Variants in AFDN observed in about 807,000 individuals in gnomAD.
The protein encoded by AFDN is afadin, adherens junction formation factor.
Under a neutral mutation model 216.6 loss-of-function variants are expected in AFDN, and 68 were observed. The ratio of observed to expected loss-of-function variants is 0.31; its 90% CI spans 0.26 to 0.38. The LOEUF is 0.38. Among genes scored for constraint, AFDN ranks in the 10% least tolerant of loss-of-function variants. AFDN has a pLI of 1.00. For missense variants in AFDN, 2,136 were observed against 2,342.0 expected (o/e 0.91, Z 1.82); for synonymous variants, 868 against 853.7 (o/e 1.02, Z -0.29).
At chr6:167,886,876 A>G (rs988201815) in intron 6 of AFDN, among the ~76,000 whole-genome samples, 15 of 152,046 alleles carry the variant, frequency 9.9e-5, no homozygotes, top group Non-Finnish European at 2.1e-4. Context: ...TTAATTGGGC[A>G]TGGTGGTGGG....
intron 15 of AFDN, among the ~76,000 whole-genome samples, chr6:167,912,802 A>T (rs771890236): frequency 4.6e-5 from 7 of 152,226 alleles, no homozygotes; most frequent in African/African-American, 9.6e-5. Context: ...TAGGGTTAGT[A>T]TCCAGTGGGG....
chr6:167,920,742 C>T (rs111990315), intron 21 of AFDN, among the ~76,000 whole-genome samples: 5,843 of 152,282 alleles, frequency 0.038, 128 homozygotes, highest in African/African-American at 0.054. Context: ...TCATATTGAA[C>T]TGTATATTAT....
intron 7 of AFDN, among the ~76,000 whole-genome samples, 153 bp from the exon 8 acceptor site, chr6:167,890,709 A>G (rs1362007332): frequency 6.6e-6 from 1 of 152,122 alleles, no homozygotes; most frequent in Non-Finnish European, 1.5e-5. Context: ...GAGTGAAAGT[A>G]TGAATTGGGT....
rs1779189533 is a variant in AFDN, at chr6:167,827,242, G to A, written c.105+5G>A. On this transcript the variant is annotated splice_donor_5th_base_variant and intron_variant, in intron 1 of 33. Transcript: ENST00000683244. ...GAGATCAGCCAGCCGACCGAGGTGA[G>A]CACCGCCGGGCGCGGGGCCTGCGCG... 2 of 1,142,512 alleles carry A rather than the reference G, an allele frequency of 1.8e-6. No individual in the cohort carries two copies. Among genetic ancestry groups the A allele is most frequent in the Admixed American group, 3.3e-5 (1 of 30,536 alleles). The allele number at this position is 1,142,512 out of a possible 1,614,324, so 70.8% of individuals were successfully genotyped here. A position where few individuals can be genotyped will look rare whatever the true frequency, so the allele number is the denominator to read the frequency against.
At chr6:167,913,225 C>T (rs1002011552) in intron 15 of AFDN, among the ~76,000 whole-genome samples, 178 bp from the exon 16 acceptor site, 3 of 152,156 alleles carry the variant, frequency 2.0e-5, no homozygotes, top group African/African-American at 7.2e-5. Flanking sequence ...AGGTCGTATA[C>T]TTCTAAAGGT....
chr6:167,890,834 C>T, intron 7 of AFDN, 28 bp from the exon 8 acceptor site: 1 of 1,607,002 alleles, frequency 6.2e-7, no homozygotes, highest in Non-Finnish European at 8.5e-7. Context: ...CTGAGTCTGC[C>T]TGATGATTTC....
At chr6:167,842,776 T>C (rs1339750226) in intron 1 of AFDN, among the ~76,000 whole-genome samples, 1 of 152,226 alleles carries the variant, frequency 6.6e-6, no homozygotes, top group Non-Finnish European at 1.5e-5. Context: ...CAGTATTGAT[T>C]TTCAATTTTA....
intron 2 of AFDN, among the ~76,000 whole-genome samples, chr6:167,867,378 T>A (rs1039888098): frequency 2.3e-4 from 35 of 152,158 alleles, no homozygotes; most frequent in Admixed American, 7.2e-4. Context: ...TTCTGTATTT[T>A]GATAACTAGC....
intron 1 of AFDN, among the ~76,000 whole-genome samples, chr6:167,843,508 G>A (rs1292473496): frequency 6.6e-6 from 1 of 152,162 alleles, no homozygotes; most frequent in Non-Finnish European, 1.5e-5. Flanking sequence ...CAGGCTGTGT[G>A]GTCTTCCAGA....
chr6:167,826,759 C>T (rs1051652863), upstream of AFDN: 8 of 355,986 alleles, frequency 2.2e-5, no homozygotes, highest in African/African-American at 1.7e-4. Flanking sequence ...TCCGACACCT[C>T]CCTCCCTGGC....
chr6:167,864,705 C>T lies in AFDN; in HGVS notation c.260C>T (p.Ser87Phe). ...TTTCGACCTGATATGCGAATGCTGT[C>T]CTCTCCCAAGTATTCACTCTATGAA... Reference protein sequence around the residue: ...EKFRPDMRMLSSPKYSLYEVH... With the variant: ...EKFRPDMRMLFSPKYSLYEVH... The change falls in exon 2 of 34, where the codon TCC becomes TTC. Residue 87 changes from serine (S) to phenylalanine (F), a missense_variant. Coordinates refer to ENST00000683244, the MANE Select transcript of AFDN (RefSeq NM_001386888.1). 1 of 1,614,166 alleles carries T rather than the reference C, an allele frequency of 6.2e-7. No individual in the cohort carries two copies. The highest frequency in any genetic ancestry group is 8.5e-7 in the Non-Finnish European group (1 of 1,180,024).
rs1790924184 is a variant in AFDN at position 167,915,416 on chromosome 6, C to T, written c.2548C>T (p.Leu850=). 3.1e-6 allele frequency: 5 copies of T among 1,613,350 alleles called. No individual in the cohort carries two copies. In the African/African-American group the frequency reaches 6.7e-5, roughly 22 times the overall value. Reference sequence around the variant, plus strand: ...GCTGGAACTGGCTGCGGACTGTCATCTGAGCAGGATCGTGCAGGTGATTGC... The same window carrying T: ...GCTGGAACTGGCTGCGGACTGTCATTTGAGCAGGATCGTGCAGGTGATTGC... ...QGLELAADCH[L]SRIVQATTLL... is the part of the protein sequence containing the mutation. The change falls in exon 19 of 34, where the codon CTG becomes TTG. Residue 850 remains leucine (L), a synonymous_variant. Coordinates refer to ENST00000683244, the MANE Select transcript of AFDN (RefSeq NM_001386888.1).
chr6:167,953,523 T>C (rs950038445), intron 30 of AFDN, among the ~76,000 whole-genome samples: 3 of 152,210 alleles, frequency 2.0e-5, no homozygotes, highest in Non-Finnish European at 1.5e-5. Flanking sequence ...GTGTGAATTA[T>C]TACATTGTTT....
At chr6:167,967,788 G>T (rs1394331159) in intron 32 of AFDN, among the ~76,000 whole-genome samples, 1 of 152,122 alleles carries the variant, frequency 6.6e-6, no homozygotes, top group Non-Finnish European at 1.5e-5. Flanking sequence ...TGTGCAGAGC[G>T]CATTCCGACC....
chr6:167,970,688 C>G lies in AFDN; in HGVS notation c.*753C>G. 4.8e-6 allele frequency: 1 copy of G among 209,482 alleles called. No homozygotes were observed. The highest frequency in any genetic ancestry group is 7.3e-5 in the East Asian group (1 of 13,736). The allele number at this position is 209,482 out of a possible 1,614,324, so 13.0% of individuals were successfully genotyped here. A position where few individuals can be genotyped will look rare whatever the true frequency, so the allele number is the denominator to read the frequency against. On this transcript the variant is annotated 3_prime_UTR_variant, in exon 34 of 34. Transcript: ENST00000683244. ...TTATAAATACCAGATTATTGTTAGA[C>G]TTAATAAATCACTGTTAAATTTAAA...
At position 167,922,936 on chromosome 6, in the gene AFDN, C is replaced by T. The variant is rs138033507; in HGVS notation, c.2989C>T (p.Leu997Phe). ...TGAAGGTGCAGATTATGAAAGTCAC[C>T]TTCTGCGTGAGAACACAGAGCTGGC... ...YFEGADYESH[L>F]LRENTELAQP... Residue 997 changes from leucine (L) to phenylalanine (F), a missense_variant, in exon 22 of 34, where the codon CTT becomes TTT. This residue lies in a region of AFDN where 162 missense variants were observed against 182.6 expected (regional missense o/e 0.89). Transcript: ENST00000683244. The T allele has an allele frequency of 2.5e-4, 399 of 1,612,694 alleles. 1 individual carries two copies. Among genetic ancestry groups the T allele is most frequent in the Non-Finnish European group, 3.2e-4 (377 of 1,179,046 alleles).
At chr6:167,867,191 G>A (rs987248625) in intron 2 of AFDN, among the ~76,000 whole-genome samples, 30 of 152,160 alleles carry the variant, frequency 2.0e-4, no homozygotes, top group Middle Eastern at 3.4e-3. Flanking sequence ...GTTAATGGTA[G>A]TTCTCTAAAA....
chr6:167,829,946 T>C (rs1779644634), intron 1 of AFDN, among the ~76,000 whole-genome samples: 1 of 152,230 alleles, frequency 6.6e-6, no homozygotes, highest in African/African-American at 2.4e-5. Context: ...ATAAGCAGGC[T>C]ATCACTGGAG....
rs1796578838 is a variant in AFDN, at chr6:167,956,938, C to CA, written c.4833+4752dup. ...GCCTTGACATAGCATACAGCAGTCTCACGAGAATGTCCTCACAGCCCTCCT... is the reference window on the plus strand; with the variant it reads ...GCCTTGACATAGCATACAGCAGTCTCAACGAGAATGTCCTCACAGCCCTCCT... On this transcript the variant is annotated intron_variant, in intron 30 of 33. Coordinates refer to ENST00000683244, the MANE Select transcript of AFDN (RefSeq NM_001386888.1). 2.0e-5 allele frequency among the ~76,000 whole-genome samples: 3 copies of CA among 152,344 alleles called. No individual in the cohort carries two copies. The South Asian group carries it at 6.2e-4, about 32-fold the overall frequency.
Sources: gnomAD v4.1 joint callset for allele counts (sites outside exome capture counted in the v4.1 genomes callset) on GRCh38, gnomAD v4.1.1 for gene constraint, gnomAD v4.1.1 regional missense constraint, MANE v1.5 for transcripts, NCBI Gene and HGNC (gene_info 2026-07-23, HGNC 2026-07-21) for gene names.